Variants in CNBD1 observed in about 807,000 individuals in gnomAD.
CNBD1 encodes cyclic nucleotide binding domain containing 1.
Under a neutral mutation model 54.4 loss-of-function variants are expected in CNBD1, and 71 were observed. The observed-to-expected ratio is 1.30, with a 90% CI of 1.08 to 1.59. The LOEUF is 1.59. Among genes scored for constraint, CNBD1 ranks in the 40% most tolerant of loss-of-function variants. CNBD1 has a pLI of 0.00. For missense variants in CNBD1, 659 were observed against 518.0 expected, an observed-to-expected ratio of 1.27 and a Z score of -2.64; for synonymous variants, 182 against 170.7, an observed-to-expected ratio of 1.07 and a Z score of -0.51.
intron 2 of CNBD1, among the ~76,000 whole-genome samples, chr8:87,412,697 A>T (rs1639800715): frequency 6.6e-6 from 1 of 152,038 alleles, no homozygotes; most frequent in Non-Finnish European, 1.5e-5. Context: ...AAGTTTGAGG[A>T]CTCATCCAGG....
chr8:87,256,640 T>C (rs1808029972), intron 6 of CNBD1, among the ~76,000 whole-genome samples: 1 of 127,238 alleles, frequency 7.9e-6, no homozygotes, highest in African/African-American at 3.2e-5. Flanking sequence ...TCTCTCCCCA[T>C]ATCTAAAGAT....
downstream of CNBD1, among the ~76,000 whole-genome samples, chr8:87,387,096 C>T (rs556708368): frequency 7.9e-5 from 12 of 152,214 alleles, no homozygotes; most frequent in South Asian, 2.1e-4. Context: ...TAAAAGAGCT[C>T]CTGAAGGAAG....
intron 4 of CNBD1, among the ~76,000 whole-genome samples, chr8:86,988,255 T>G (rs1297158665): frequency 1.3e-5 from 2 of 152,032 alleles, no homozygotes; most frequent in African/African-American, 4.8e-5. Flanking sequence ...TTCCAGGAAC[T>G]TATCTATTTC....
At chr8:86,959,345 G>C (rs1807867607) in intron 4 of CNBD1, among the ~76,000 whole-genome samples, 1 of 151,998 alleles carries the variant, frequency 6.6e-6, no homozygotes, top group Non-Finnish European at 1.5e-5. Context: ...GTTCTTCTTA[G>C]TGAATATCTT....
At chr8:87,377,604 A>G (rs945675042) in intron 10 of CNBD1, among the ~76,000 whole-genome samples, 2 of 151,324 alleles carry the variant, frequency 1.3e-5, no homozygotes, top group African/African-American at 2.4e-5. Context: ...ATAATGCCGC[A>G]ATAAACATAC....
chr8:87,186,224 G>C (rs769868484), intron 4 of CNBD1, among the ~76,000 whole-genome samples: 1 of 151,908 alleles, frequency 6.6e-6, no homozygotes, highest in South Asian at 2.1e-4. Context: ...CTTACTTGGC[G>C]TATCTCATTT....
Position 86,961,301 on chromosome 8 carries a change from A to G in CNBD1, c.431+21547A>G, listed in dbSNP as rs114845392. ...CAAAATTTCAGGTAAATTGGTTTCT[A>G]TGACAGTTTGATTTTTAAAAGCCAA... On this transcript the variant is annotated intron_variant, in intron 4 of 10. Coordinates refer to ENST00000518476, the MANE Select transcript of CNBD1 (RefSeq NM_173538.3). 6.1e-3 allele frequency among the ~76,000 whole-genome samples: 923 copies of G among 152,344 alleles called. 7 individuals are homozygous for G. Among genetic ancestry groups the G allele is most frequent in the African/African-American group, 0.02 (847 of 41,576 alleles).
At chr8:86,926,181 C>T (rs1305645420) in intron 3 of CNBD1, among the ~76,000 whole-genome samples, 1 of 152,128 alleles carries the variant, frequency 6.6e-6, no homozygotes, top group Non-Finnish European at 1.5e-5. Flanking sequence ...CCCCACTTGA[C>T]CCAGGAAGTC....
chr8:87,222,792 T>C (rs759461440), intron 5 of CNBD1, among the ~76,000 whole-genome samples: 9 of 152,154 alleles, frequency 5.9e-5, no homozygotes, highest in Admixed American at 3.3e-4. Context: ...AACTAGTATT[T>C]TTAATTCTTT....
intron 5 of CNBD1, among the ~76,000 whole-genome samples, chr8:87,208,725 C>A (rs923345764): frequency 1.3e-5 from 2 of 151,944 alleles, no homozygotes; most frequent in Non-Finnish European, 2.9e-5. Flanking sequence ...TCTTTTATAT[C>A]TATGTCACCT....
intron 4 of CNBD1, among the ~76,000 whole-genome samples, chr8:87,118,233 T>G (rs1811814913): frequency 6.9e-6 from 1 of 145,956 alleles, no homozygotes; most frequent in Admixed American, 7.2e-5. Flanking sequence ...GAGAATTGCT[T>G]GAACTCAGGA....
chr8:87,021,799 TA>T (rs1464588436), intron 4 of CNBD1, among the ~76,000 whole-genome samples: 78 of 152,214 alleles, frequency 5.1e-4, no homozygotes, highest in Admixed American at 1.7e-3. Flanking sequence ...ATAATATGAA[TA>T]AAAATGTAAA....
chr8:87,409,459 C>T (rs1000133972), intron 2 of CNBD1, among the ~76,000 whole-genome samples: 4 of 152,148 alleles, frequency 2.6e-5, no homozygotes, highest in Non-Finnish European at 5.9e-5. Flanking sequence ...GCAGCAAGTG[C>T]TGATGTAGAT....
intron 4 of CNBD1, among the ~76,000 whole-genome samples, chr8:87,075,623 T>C (rs1041001369): frequency 1.1e-4 from 17 of 152,138 alleles, no homozygotes; most frequent in African/African-American, 4.1e-4. Flanking sequence ...GGAAGTCAAT[T>C]TGAAGTTGAG....
At chr8:87,314,834 C>T (rs1311740088) in intron 8 of CNBD1, among the ~76,000 whole-genome samples, 3 of 151,866 alleles carry the variant, frequency 2.0e-5, no homozygotes, top group Non-Finnish European at 2.9e-5. Context: ...TATAAAGGTG[C>T]TGTATGAAAC....
intron 4 of CNBD1, among the ~76,000 whole-genome samples, chr8:87,038,836 A>T (rs1810003500): frequency 6.6e-6 from 1 of 152,320 alleles, no homozygotes; most frequent in East Asian, 1.9e-4. Context: ...CTCTTTCAGT[A>T]TCATAATTTT....
At chr8:87,235,061 C>T (rs1403989309) in intron 5 of CNBD1, among the ~76,000 whole-genome samples, 41 of 152,324 alleles carry the variant, frequency 2.7e-4, no homozygotes, top group Non-Finnish European at 1.5e-5. Context: ...GAACCAAACT[C>T]TGCTAGCTCT....
chr8:86,897,310 T>C (rs1372100593), intron 2 of CNBD1, among the ~76,000 whole-genome samples: 1 of 152,152 alleles, frequency 6.6e-6, no homozygotes, highest in East Asian at 1.9e-4. Flanking sequence ...GGGTGTTTAA[T>C]ACAGAAATCT....
At chr8:87,325,871 G>T (rs1443718335) in intron 8 of CNBD1, among the ~76,000 whole-genome samples, 4 of 142,472 alleles carry the variant, frequency 2.8e-5, no homozygotes, top group Non-Finnish European at 6.2e-5. Context: ...GATTTTGCTC[G>T]TTAGTTGATG....
Sources: gnomAD v4.1 joint callset for allele counts (sites outside exome capture counted in the v4.1 genomes callset) on GRCh38, gnomAD v4.1.1 for gene constraint, MANE v1.5 for transcripts, NCBI Gene and HGNC (gene_info 2026-07-23, HGNC 2026-07-21) for gene names.